TENM2: variants seen among roughly 807,000 people sequenced by gnomAD.
TENM2 encodes teneurin transmembrane protein 2.
A neutral mutation model predicts 245.2 loss-of-function variants in TENM2; 52 were observed. That is an observed-to-expected ratio of 0.21 (90% confidence interval 0.17 to 0.27). The LOEUF (loss-of-function observed/expected upper bound fraction) is 0.27. Ranked by LOEUF, TENM2 falls within the 10% of genes least tolerant of loss-of-function variation. TENM2 has a pLI of 1.00. For missense variants in TENM2, 3,046 were observed against 3,666.8 expected, an observed-to-expected ratio of 0.83 and a Z score of 4.37; for synonymous variants, 1,363 against 1,438.9, an observed-to-expected ratio of 0.95 and a Z score of 1.19.
intron 1 of TENM2, among the ~76,000 whole-genome samples, chr5:167,326,498 C>T (rs900330202): frequency 2.6e-5 from 4 of 151,672 alleles, no homozygotes; most frequent in Non-Finnish European, 5.9e-5. Flanking sequence ...CATGTTGAAA[C>T]CCCGTCTCTA....
chr5:168,027,108 C>A (rs1581098880), intron 5 of TENM2, among the ~76,000 whole-genome samples: 2 of 152,142 alleles, frequency 1.3e-5, no homozygotes, highest in South Asian at 2.1e-4. Flanking sequence ...GCTACAGACA[C>A]ACACACACAC....
chr5:167,908,036 G>A (rs972870258), intron 3 of TENM2, among the ~76,000 whole-genome samples: 37 of 152,010 alleles, frequency 2.4e-4, no homozygotes, highest in African/African-American at 8.0e-4. Context: ...TGTAAAATGA[G>A]GACATTCAAT....
chr5:167,116,129 T>C, the TENM2 span, among the ~76,000 whole-genome samples: 1 of 152,306 alleles, frequency 6.6e-6, no homozygotes, highest in East Asian at 1.9e-4. Flanking sequence ...AATGGGATTG[T>C]ACATGCAAGA....
chr5:167,965,190 G>A (rs1781298651), intron 4 of TENM2: 1 of 152,138 alleles, frequency 6.6e-6, no homozygotes, highest in African/African-American at 2.4e-5. Context: ...TGACTTAGAT[G>A]TCTGGGTGAA....
At chr5:167,600,536 C>A (rs1350409694) in intron 2 of TENM2, among the ~76,000 whole-genome samples, 1 of 152,146 alleles carries the variant, frequency 6.6e-6, no homozygotes, top group Non-Finnish European at 1.5e-5. Flanking sequence ...CCTTATTATG[C>A]TTCCTCCTTC....
the TENM2 span, among the ~76,000 whole-genome samples, chr5:167,200,486 T>C: frequency 6.6e-6 from 1 of 152,116 alleles, no homozygotes; most frequent in East Asian, 1.9e-4. Context: ...GGGAAACTTT[T>C]CTGGGGTTTT....
chr5:166,995,479 G>A, the TENM2 span, among the ~76,000 whole-genome samples: 1 of 151,954 alleles, frequency 6.6e-6, no homozygotes, highest in Admixed American at 6.6e-5. Flanking sequence ...CTGACCTCGT[G>A]ATCCAGCTGC....
intron 4 of TENM2, among the ~76,000 whole-genome samples, chr5:167,954,453 A>G (rs141561355): frequency 2.5e-3 from 374 of 152,310 alleles, no homozygotes; most frequent in African/African-American, 8.8e-3. Flanking sequence ...AAAGCTACGT[A>G]TCGGGTATTA....
chr5:168,154,146 T>TAAAAAAAAA (rs1562223601), intron 12 of TENM2, among the ~76,000 whole-genome samples: 36 of 75,710 alleles, frequency 4.8e-4, no homozygotes, highest in African/African-American at 1.6e-3. Context: ...ATCACCTACT[T>TAAAAAAAAA]TAAAAAAAAA....
At chr5:167,096,794 C>CTGT in the TENM2 span, among the ~76,000 whole-genome samples, 1 of 152,256 alleles carries the variant, frequency 6.6e-6, no homozygotes, top group Admixed American at 6.5e-5. Context: ...AATAATGATA[C>CTGT]TAACAGATAG....
chr5:167,944,672 A>T (rs1192549785), intron 3 of TENM2, among the ~76,000 whole-genome samples: 3 of 152,302 alleles, frequency 2.0e-5, no homozygotes, highest in Middle Eastern at 3.4e-3. Context: ...AGGCTATGGG[A>T]GGGAGGAAGG....
chr5:167,281,898 G>T (rs1016252332), upstream of TENM2, among the ~76,000 whole-genome samples: 1 of 151,338 alleles, frequency 6.6e-6, no homozygotes, highest in African/African-American at 2.4e-5. Flanking sequence ...TACTTGGGAG[G>T]CAGAGGCAGG....
At chr5:167,774,665 A>G (rs985279273) in intron 2 of TENM2, among the ~76,000 whole-genome samples, 2 of 152,182 alleles carry the variant, frequency 1.3e-5, no homozygotes, top group African/African-American at 2.4e-5. Context: ...TTCCAAGTTA[A>G]TGAGAAGAAA....
chr5:168,256,079 C>T (rs58728182), intron 27 of TENM2, among the ~76,000 whole-genome samples: 6,556 of 152,176 alleles, frequency 0.043, 187 homozygotes, highest in African/African-American at 0.073. Context: ...GCTAGGATTA[C>T]AGGCGTGAGC....
intron 2 of TENM2, among the ~76,000 whole-genome samples, chr5:167,709,242 C>T (rs1249676627): frequency 1.3e-5 from 2 of 152,222 alleles, no homozygotes; most frequent in African/African-American, 2.4e-5. Flanking sequence ...GCGTGGTCTT[C>T]TCTTATCCCC....
rs1353050328 is a variant in TENM2 at position 168,195,413 on chromosome 5, G to T, written c.2900+118G>T. 4.1e-6 allele frequency: 5 copies of T among 1,208,178 alleles called. No homozygotes were observed. The South Asian group carries it at 4.5e-5, about 11-fold the overall frequency. 74.8% of individuals were successfully genotyped at this position (1,208,178 alleles called of 1,614,324 possible). On this transcript the variant is annotated intron_variant, in intron 15 of 28. Transcript: ENST00000518659. ...CCTGGTGGACTGGAATGTCCACCAGGCCTGTCCCCTAGTGAGGATTCCCCC... is the reference window on the plus strand; with the variant it reads ...CCTGGTGGACTGGAATGTCCACCAGTCCTGTCCCCTAGTGAGGATTCCCCC...
chr5:168,127,033 T>C, intron 12 of TENM2, 67 bp downstream of exon 14: 1 of 1,325,110 alleles, frequency 7.5e-7, no homozygotes, highest in Non-Finnish European at 1.1e-6. Context: ...AACTGGCTGT[T>C]CCTTCAGGGA....
chr5:167,801,161 T>TATATATATATA (rs1314709312), intron 2 of TENM2, among the ~76,000 whole-genome samples: 1 of 129,994 alleles, frequency 7.7e-6, no homozygotes, highest in Non-Finnish European at 1.6e-5. Context: ...TATGTATATA[T>TATATATATATA]TCCCCAGGGT....
intron 3 of TENM2, among the ~76,000 whole-genome samples, chr5:167,912,108 C>T (rs1052147536): frequency 6.6e-6 from 1 of 152,088 alleles, no homozygotes; most frequent in Non-Finnish European, 1.5e-5. Flanking sequence ...GAACTTATTC[C>T]TCATTCCAAT....
Sources: gnomAD v4.1 joint callset for allele counts (sites outside exome capture counted in the v4.1 genomes callset) on GRCh38, gnomAD v4.1.1 for gene constraint, MANE v1.5 for transcripts, NCBI Gene and HGNC (gene_info 2026-07-23, HGNC 2026-07-21) for gene names.